The following MAP4K4 variants were observed in gnomAD, a reference collection of about 807,000 sequenced individuals.
The protein encoded by MAP4K4 is HPK/GCK-like kinase HGK.
A neutral mutation model predicts 189.6 loss-of-function variants in MAP4K4; 38 were observed. That is an observed-to-expected ratio of 0.20 (90% confidence interval 0.15 to 0.26). The LOEUF is 0.26. Ranked by LOEUF, MAP4K4 falls within the 10% of genes least tolerant of loss-of-function variation. MAP4K4 has a pLI of 1.00. For synonymous variants in MAP4K4, 610 were observed against 624.3 expected, an observed-to-expected ratio of 0.98 and a Z score of 0.34; for missense variants, 1,054 against 1,726.9, an observed-to-expected ratio of 0.61 and a Z score of 6.91.
chr2:101,788,666 A>G (rs990272166), intron 2 of MAP4K4, among the ~76,000 whole-genome samples: 12 of 152,210 alleles, frequency 7.9e-5, no homozygotes, highest in African/African-American at 2.4e-4. Context: ...ATTAGTTTTT[A>G]GTTCCTTATA....
intron 2 of MAP4K4, among the ~76,000 whole-genome samples, chr2:101,738,585 G>T (rs2061405171): frequency 6.6e-6 from 1 of 151,798 alleles, no homozygotes; most frequent in Non-Finnish European, 1.5e-5. Flanking sequence ...TCTGCAGAAG[G>T]TTTTTTTTGG....
chr2:101,730,615 G>T (rs910284691), intron 2 of MAP4K4, among the ~76,000 whole-genome samples: 7 of 152,184 alleles, frequency 4.6e-5, no homozygotes, highest in Non-Finnish European at 2.9e-5. Flanking sequence ...CAGGTGTTCA[G>T]TACGGGGGTA....
chr2:101,877,840 C>T (rs1311266805), intron 27 of MAP4K4, among the ~76,000 whole-genome samples: 2 of 152,104 alleles, frequency 1.3e-5, no homozygotes, highest in Non-Finnish European at 2.9e-5. Flanking sequence ...AGCTCCGTCT[C>T]CCAGGTTCAC....
At chr2:101,731,679 A>G (rs975112734) in intron 2 of MAP4K4, among the ~76,000 whole-genome samples, 6 of 150,516 alleles carry the variant, frequency 4.0e-5, no homozygotes, top group African/African-American at 1.5e-4. Context: ...TGAGCTCAGG[A>G]GGTCAAGGCT....
intron 3 of MAP4K4, among the ~76,000 whole-genome samples, chr2:101,800,998 C>A (rs752524745): frequency 1.3e-5 from 2 of 149,800 alleles, no homozygotes; most frequent in African/African-American, 5.0e-5. Flanking sequence ...TAAAAAAAAT[C>A]GCCCAACAAA....
intron 2 of MAP4K4, among the ~76,000 whole-genome samples, chr2:101,767,724 A>G (rs1382832157): frequency 6.6e-6 from 1 of 152,218 alleles, no homozygotes; most frequent in African/African-American, 2.4e-5. Context: ...CTCCTCGCAG[A>G]GAGAGATGCT....
chr2:101,768,775 G>A (rs987455096), intron 2 of MAP4K4, among the ~76,000 whole-genome samples: 1 of 152,156 alleles, frequency 6.6e-6, no homozygotes, highest in Non-Finnish European at 1.5e-5. Context: ...GAGCCTGTTT[G>A]ATTAAGTGAT....
chr2:101,750,481 A>G (rs1204492213), intron 2 of MAP4K4, among the ~76,000 whole-genome samples: 1 of 133,474 alleles, frequency 7.5e-6, no homozygotes, highest in Non-Finnish European at 1.6e-5. Context: ...GGACACAGGA[A>G]GGGGACTATC....
chr2:101,725,995 A>G (rs1464384442), intron 2 of MAP4K4, among the ~76,000 whole-genome samples: 1 of 147,644 alleles, frequency 6.8e-6, no homozygotes, highest in Non-Finnish European at 1.5e-5. Flanking sequence ...AGTCTCCTGC[A>G]TATCTAGTGC....
chr2:101,869,556 ACTT>A lies in MAP4K4; in HGVS notation c.2464-63_2464-61del. Reference sequence around the variant, plus strand: ...CATTGTGGCAATTTATGGTTAAAGAACTTCTCATCTTCTCCTGTCCCTGCTCCT... The same window carrying A: ...CATTGTGGCAATTTATGGTTAAAGAACTCATCTTCTCCTGTCCCTGCTCCT... On this transcript the variant is annotated intron_variant, in intron 21 of 32. Transcript: ENST00000324219. 5.4e-6 allele frequency: 7 copies of A among 1,299,888 alleles called. No individual in the cohort carries two copies. The South Asian group carries it at 7.7e-5, about 14-fold the overall frequency. The allele number at this position is 1,299,888 out of a possible 1,614,324, so 80.5% of individuals were successfully genotyped here. A position where few individuals can be genotyped will look rare whatever the true frequency, so the allele number is the denominator to read the frequency against.
intron 12 of MAP4K4, among the ~76,000 whole-genome samples, chr2:101,852,874 A>G (rs1314407367): frequency 6.6e-6 from 1 of 152,196 alleles, no homozygotes; most frequent in African/African-American, 2.4e-5. Context: ...TGAAAGATGA[A>G]CTAAAACAAG....
intron 10 of MAP4K4, among the ~76,000 whole-genome samples, chr2:101,840,381 C>A (rs1228319748): frequency 1.3e-5 from 2 of 152,116 alleles, no homozygotes; most frequent in African/African-American, 4.8e-5. Context: ...CCCAAGAACC[C>A]CCGCTCAGGG....
chr2:101,706,012 C>T (rs1391202360), intron 2 of MAP4K4, among the ~76,000 whole-genome samples: 1 of 152,076 alleles, frequency 6.6e-6, no homozygotes, highest in African/African-American at 2.4e-5. Context: ...AGAAAAACCC[C>T]ACTTTTACAT....
intron 27 of MAP4K4, among the ~76,000 whole-genome samples, chr2:101,881,229 T>G (rs1031997873): frequency 6.6e-6 from 1 of 152,242 alleles, no homozygotes; most frequent in Non-Finnish European, 1.5e-5. Context: ...TTTTTTTAAG[T>G]ACTAGTATAA....
intron 2 of MAP4K4, among the ~76,000 whole-genome samples, chr2:101,699,711 T>C (rs567981566): frequency 6.0e-4 from 92 of 152,314 alleles, no homozygotes; most frequent in Non-Finnish European, 1.2e-3. Context: ...CTTGAACGCC[T>C]CTCCTTAGCC....
intron 28 of MAP4K4, 117 bp from the exon 29 acceptor site, chr2:101,885,070 T>G: frequency 2.1e-6 from 1 of 475,630 alleles, no homozygotes; most frequent in East Asian, 3.2e-5. Flanking sequence ...CCTGCTTGTT[T>G]GGATGAATGA....
chr2:101,804,377 T>C (rs1284000994), intron 3 of MAP4K4, among the ~76,000 whole-genome samples: 7 of 152,212 alleles, frequency 4.6e-5, no homozygotes, highest in African/African-American at 1.7e-4. Flanking sequence ...GAAAGAATTT[T>C]ATTTCTCACT....
At chr2:101,801,457 T>C (rs1382806903) in intron 3 of MAP4K4, among the ~76,000 whole-genome samples, 2 of 152,212 alleles carry the variant, frequency 1.3e-5, no homozygotes, top group Non-Finnish European at 2.9e-5. Flanking sequence ...TATGAAATAT[T>C]GTCTACCAAA....
intron 2 of MAP4K4, among the ~76,000 whole-genome samples, chr2:101,731,412 G>T (rs899153746): frequency 6.6e-6 from 1 of 151,914 alleles, no homozygotes; most frequent in Non-Finnish European, 1.5e-5. Context: ...CACTGCCCCT[G>T]GCCGACAGTA....
Sources: allele counts gnomAD v4.1 joint callset (sites outside exome capture counted in the v4.1 genomes callset), GRCh38; gene constraint gnomAD v4.1.1; transcripts MANE v1.5; gene names NCBI Gene and HGNC (gene_info 2026-07-23, HGNC 2026-07-21).